SGCZ: variants seen among roughly 807,000 people sequenced by gnomAD.
SGCZ encodes sarcoglycan zeta.
Under a neutral mutation model 41.3 loss-of-function variants are expected in SGCZ, and 40 were observed. That is an observed-to-expected ratio of 0.97 (90% confidence interval 0.75 to 1.26). SGCZ has a LOEUF of 1.26. Among genes scored for constraint, SGCZ ranks in the 50% most tolerant of loss-of-function variants. The pLI is 0.00. For synonymous variants in SGCZ, 206 were observed against 137.5 expected, an observed-to-expected ratio of 1.50 and a Z score of -3.49; for missense variants, 552 against 369.8, an observed-to-expected ratio of 1.49 and a Z score of -4.04.
intron 1 of SGCZ, among the ~76,000 whole-genome samples, chr8:14,995,226 C>A (rs17608642): frequency 0.013 from 1,916 of 152,294 alleles, 107 homozygotes; most frequent in Admixed American, 0.098. Context: ...GGAAAGCTCA[C>A]GCTGGTAGCT....
intron 2 of SGCZ, among the ~76,000 whole-genome samples, chr8:14,515,942 G>C (rs1415587204): frequency 6.6e-6 from 1 of 151,982 alleles, no homozygotes; most frequent in Non-Finnish European, 1.5e-5. Context: ...CTATGATCCA[G>C]TAAGCAATAC....
At chr8:14,786,594 A>T (rs1800774026) in intron 1 of SGCZ, among the ~76,000 whole-genome samples, 1 of 152,144 alleles carries the variant, frequency 6.6e-6, no homozygotes, top group East Asian at 1.9e-4. Context: ...AGCTATCTTA[A>T]GCCATTCACT....
chr8:15,191,348 C>A (rs1384928433), intron 1 of SGCZ, among the ~76,000 whole-genome samples: 1 of 151,896 alleles, frequency 6.6e-6, no homozygotes, highest in Non-Finnish European at 1.5e-5. Context: ...CATACCTAGA[C>A]CAGGCAGGTA....
chr8:15,169,934 C>G (rs996234651), intron 1 of SGCZ, among the ~76,000 whole-genome samples: 1 of 152,156 alleles, frequency 6.6e-6, no homozygotes, highest in Admixed American at 6.5e-5. Flanking sequence ...AAAGAGTGAA[C>G]TACGTAATTT....
chr8:15,025,744 T>A (rs544315909), intron 1 of SGCZ, among the ~76,000 whole-genome samples: 1 of 152,136 alleles, frequency 6.6e-6, no homozygotes, highest in African/African-American at 2.4e-5. Context: ...TTCTGACATA[T>A]GAGATTGGAA....
intron 4 of SGCZ, among the ~76,000 whole-genome samples, chr8:14,214,391 C>T (rs974930072): frequency 2.6e-5 from 4 of 152,012 alleles, no homozygotes; most frequent in Admixed American, 2.0e-4. Flanking sequence ...AGAACACTAA[C>T]GTAAAACCTC....
At chr8:14,358,605 G>A (rs1357430763) in intron 2 of SGCZ, among the ~76,000 whole-genome samples, 2 of 152,050 alleles carry the variant, frequency 1.3e-5, no homozygotes, top group Admixed American at 1.3e-4. Context: ...CAAATATCCT[G>A]TAAGGTATAT....
chr8:14,621,475 C>A (rs1011347783), intron 1 of SGCZ, among the ~76,000 whole-genome samples: 38 of 149,392 alleles, frequency 2.5e-4, no homozygotes, highest in Admixed American at 1.4e-3. Flanking sequence ...TTGGGAAGCA[C>A]AAAAAAAATA....
intron 2 of SGCZ, among the ~76,000 whole-genome samples, chr8:14,383,895 G>A (rs1023714631): frequency 6.6e-6 from 1 of 151,968 alleles, no homozygotes; most frequent in South Asian, 2.1e-4. Flanking sequence ...CAGGCATTAA[G>A]TAACACGCTC....
chr8:14,769,805 A>AAAAAAAAAC (rs1563257575), intron 1 of SGCZ, among the ~76,000 whole-genome samples: 1 of 149,924 alleles, frequency 6.7e-6, no homozygotes, highest in Non-Finnish European at 1.5e-5. Flanking sequence ...AAAAAAAAAA[A>AAAAAAAAAC]AAAAAAAAAA....
chr8:15,157,955 G>A (rs1176884475), intron 1 of SGCZ, among the ~76,000 whole-genome samples: 5 of 152,232 alleles, frequency 3.3e-5, no homozygotes, highest in East Asian at 3.9e-4. Flanking sequence ...TTCCAGGGCC[G>A]CTCTTGCCCA....
chr8:14,480,160 C>G (rs1282707182), intron 2 of SGCZ, among the ~76,000 whole-genome samples: 1 of 152,200 alleles, frequency 6.6e-6, no homozygotes, highest in Non-Finnish European at 1.5e-5. Context: ...TACACTGAAA[C>G]AGTTTTCAAG....
chr8:14,711,373 T>G (rs1263804343), intron 1 of SGCZ, among the ~76,000 whole-genome samples: 2 of 148,966 alleles, frequency 1.3e-5, no homozygotes, highest in Non-Finnish European at 3.0e-5. Flanking sequence ...GCAGATCCCT[T>G]GAGATCAGGA....
rs117443425 is a variant in SGCZ at position 14,382,976 on chromosome 8, C to A, written c.235-58772G>T. ...CTCTCCCGCAAAAAGCTGCTCTGTC[C>A]CCTGAGAGAAAACATATGTGGAAGC... On this transcript the variant is annotated intron_variant, in intron 2 of 7. Transcript: ENST00000382080. Among the ~76,000 whole-genome samples, 497 of 152,204 alleles carry A rather than the reference C, an allele frequency of 3.3e-3. 3 individuals carry two copies. The highest frequency in any genetic ancestry group is 0.018 in the East Asian group (91 of 5,156).
intron 1 of SGCZ, among the ~76,000 whole-genome samples, chr8:15,184,361 G>A (rs142025040): frequency 6.6e-6 from 1 of 152,194 alleles, no homozygotes; most frequent in East Asian, 1.9e-4. Flanking sequence ...AACTCACACC[G>A]ATTTGAAAAA....
chr8:14,349,644 CA>C (rs1021384227), intron 2 of SGCZ, among the ~76,000 whole-genome samples: 14 of 152,124 alleles, frequency 9.2e-5, no homozygotes, highest in African/African-American at 3.4e-4. Flanking sequence ...TTCTGTTTAT[CA>C]TATGCAGGAA....
chr8:15,061,063 T>C (rs1199990627), intron 1 of SGCZ, among the ~76,000 whole-genome samples: 1 of 152,174 alleles, frequency 6.6e-6, no homozygotes, highest in Non-Finnish European at 1.5e-5. Context: ...CCAATCGTTG[T>C]TCCCTAGTTC....
intron 3 of SGCZ, among the ~76,000 whole-genome samples, chr8:14,255,966 T>A (rs779442125): frequency 2.0e-5 from 3 of 152,120 alleles, no homozygotes; most frequent in Non-Finnish European, 4.4e-5. Context: ...GCCACATGTT[T>A]CATTATCTAT....
intron 2 of SGCZ, among the ~76,000 whole-genome samples, chr8:14,537,345 C>T (rs1461845): frequency 0.79 from 120,540 of 151,712 alleles, 48,674 homozygotes; most frequent in South Asian, 0.86. Context: ...ATGACAACCA[C>T]ATTTCCACTC....
Sources: allele counts gnomAD v4.1 joint callset (sites outside exome capture counted in the v4.1 genomes callset), GRCh38; gene constraint gnomAD v4.1.1; transcripts MANE v1.5; gene names NCBI Gene and HGNC (gene_info 2026-07-23, HGNC 2026-07-21).